The following MAP4K4 variants were observed in gnomAD, a reference collection of about 807,000 sequenced individuals.
The protein encoded by MAP4K4 is HPK/GCK-like kinase HGK.
In MAP4K4, 38 loss-of-function variants were observed where a neutral mutation model predicts 189.6. That is an observed-to-expected ratio of 0.20 (90% confidence interval 0.15 to 0.26). MAP4K4 has a LOEUF of 0.26. Ranked by LOEUF, MAP4K4 falls within the 10% of genes least tolerant of loss-of-function variation. The pLI is 1.00. For missense variants in MAP4K4, 1,054 were observed against 1,726.9 expected (o/e 0.61, Z 6.91); for synonymous variants, 610 against 624.3 (o/e 0.98, Z 0.34).
At chr2:101,818,986 G>T (rs1418122574) in intron 3 of MAP4K4, among the ~76,000 whole-genome samples, 1 of 151,966 alleles carries the variant, frequency 6.6e-6, no homozygotes, top group Non-Finnish European at 1.5e-5. Flanking sequence ...TTTTTCATTT[G>T]TTTATACTTG....
chr2:101,732,755 A>G (rs1216997141), intron 2 of MAP4K4, among the ~76,000 whole-genome samples: 1 of 152,030 alleles, frequency 6.6e-6, no homozygotes, highest in African/African-American at 2.4e-5. Context: ...TGCCCAGCTA[A>G]TTTTTGTATT....
chr2:101,857,134 A>T (rs774365884), intron 13 of MAP4K4, among the ~76,000 whole-genome samples: 27 of 152,214 alleles, frequency 1.8e-4, no homozygotes, highest in Non-Finnish European at 3.4e-4. Flanking sequence ...CCTAGAAATA[A>T]TGATTACAGT....
intron 2 of MAP4K4, among the ~76,000 whole-genome samples, chr2:101,739,189 A>G (rs1180916557): frequency 1.3e-5 from 2 of 152,208 alleles, no homozygotes; most frequent in Non-Finnish European, 2.9e-5. Context: ...CTGGCAGTCA[A>G]CACAGTGCTT....
intron 2 of MAP4K4, among the ~76,000 whole-genome samples, chr2:101,721,175 A>G (rs2051676281): frequency 1.3e-5 from 2 of 152,194 alleles, no homozygotes; most frequent in Non-Finnish European, 1.5e-5. Context: ...GAGAATAAAA[A>G]CTGATACTAG....
Position 101,831,969 on chromosome 2 carries a change from C to G in MAP4K4, c.639+118C>G, listed in dbSNP as rs533528289. The G allele has an allele frequency of 1.2e-5, 15 of 1,250,784 alleles. No homozygotes were observed. In the South Asian group the frequency reaches 2.3e-4, roughly 19 times the overall value. The allele number at this position is 1,250,784 out of a possible 1,614,324, so 77.5% of individuals were successfully genotyped here. A position where few individuals can be genotyped will look rare whatever the true frequency, so the allele number is the denominator to read the frequency against. ...CTGCCTTTTCAGGGAGGAAGACCTT[C>G]AGTGAGGAAAATTGCAGGTGCAAAT... is the stretch of plus-strand genomic sequence containing the variant. On this transcript the variant is annotated intron_variant, in intron 7 of 32. Coordinates refer to ENST00000324219, the Ensembl canonical transcript of MAP4K4.
intron 28 of MAP4K4, 150 bp downstream of exon 28, chr2:101,882,835 A>C (rs2098421125): frequency 1.2e-6 from 1 of 823,706 alleles, no homozygotes. Context: ...TTCTGTTTCC[A>C]AGGCACATTC....
intron 2 of MAP4K4, among the ~76,000 whole-genome samples, chr2:101,718,611 GGGGTGGTGGT>G: frequency 7.5e-6 from 1 of 133,890 alleles, no homozygotes; most frequent in Non-Finnish European, 1.6e-5. Context: ...GATGGGGGGT[GGGGTGGTGGT>G]GGGGTGGATG....
intron 2 of MAP4K4, among the ~76,000 whole-genome samples, chr2:101,736,626 C>A (rs1166759966): frequency 6.6e-6 from 1 of 152,190 alleles, no homozygotes; most frequent in Non-Finnish European, 1.5e-5. Flanking sequence ...CTCTGTCATT[C>A]AAAAATGTTA....
At chr2:101,779,171 GGAGT>G (rs1342875186) in intron 2 of MAP4K4, among the ~76,000 whole-genome samples, 1 of 152,124 alleles carries the variant, frequency 6.6e-6, no homozygotes, top group Non-Finnish European at 1.5e-5. Flanking sequence ...CTTCCTTTGT[GGAGT>G]GAGAGAGGAG....
At chr2:101,864,135 T>C in intron 17 of MAP4K4, 84 bp downstream of exon 17, 4 of 743,244 alleles carry the variant, frequency 5.4e-6, no homozygotes, top group Non-Finnish European at 7.5e-6. Flanking sequence ...ATTATGGGTA[T>C]GCAACTTGAC....
At chr2:101,810,850 C>G (rs572822440) in intron 3 of MAP4K4, among the ~76,000 whole-genome samples, 5 of 152,290 alleles carry the variant, frequency 3.3e-5, no homozygotes, top group African/African-American at 1.2e-4. Context: ...CAGTATTCTT[C>G]TGTGCCAGTT....
At chr2:101,874,376 C>A in intron 26 of MAP4K4, 124 bp downstream of exon 26, 1 of 809,450 alleles carries the variant, frequency 1.2e-6, no homozygotes, top group Non-Finnish European at 1.9e-6. Flanking sequence ...TGATGTCCAT[C>A]TCCTGTTATA....
chr2:101,824,017 C>T, exon 4 of MAP4K4: 3 of 1,599,426 alleles, frequency 1.9e-6, no homozygotes, highest in Non-Finnish European at 2.6e-6. Context: ...GTGCTTTCAT[C>T]AAAAAGAGCC....
chr2:101,749,885 A>G (rs1341860291), intron 2 of MAP4K4, among the ~76,000 whole-genome samples: 1 of 72,928 alleles, frequency 1.4e-5, no homozygotes, highest in Non-Finnish European at 2.5e-5. Flanking sequence ...GAGGACATTT[A>G]TGCAGCCAAA....
chr2:101,832,814 T>A (rs1411315371), intron 7 of MAP4K4, among the ~76,000 whole-genome samples: 1 of 152,060 alleles, frequency 6.6e-6, no homozygotes, highest in Non-Finnish European at 1.5e-5. Flanking sequence ...TGTTTTTGTT[T>A]TTCCATAAAA....
chr2:101,725,403 AAAAC>A (rs1385942497), intron 2 of MAP4K4, among the ~76,000 whole-genome samples: 1 of 150,342 alleles, frequency 6.7e-6, no homozygotes, highest in South Asian at 2.1e-4. Flanking sequence ...AAAAAAAACA[AAAAC>A]AAAAAAAAAC....
At chr2:101,796,477 C>T (rs2093707447) in intron 3 of MAP4K4, among the ~76,000 whole-genome samples, 1 of 152,170 alleles carries the variant, frequency 6.6e-6, no homozygotes. Context: ...GAGTACATTG[C>T]TAATTAGACA....
At chr2:101,787,362 T>C (rs1037515987) in intron 2 of MAP4K4, among the ~76,000 whole-genome samples, 1 of 152,240 alleles carries the variant, frequency 6.6e-6, no homozygotes, top group Non-Finnish European at 1.5e-5. Flanking sequence ...CCTGTGTCCT[T>C]AAGTTCCCAG....
At chr2:101,733,815 G>C (rs544385986) in intron 2 of MAP4K4, among the ~76,000 whole-genome samples, 1 of 152,272 alleles carries the variant, frequency 6.6e-6, no homozygotes, top group African/African-American at 2.4e-5. Flanking sequence ...GTCAGGTCCC[G>C]TTACAGGAAG....
Sources: allele counts gnomAD v4.1 joint callset (sites outside exome capture counted in the v4.1 genomes callset), GRCh38; gene constraint gnomAD v4.1.1; transcripts MANE v1.5; gene names NCBI Gene and HGNC (gene_info 2026-07-23, HGNC 2026-07-21).